MAP7: variants seen among roughly 807,000 people sequenced by gnomAD.
MAP7 encodes ensconsin.
A neutral mutation model predicts 94.8 loss-of-function variants in MAP7; 52 were observed. The observed-to-expected ratio is 0.55, with a 90% confidence interval of 0.44 to 0.69. MAP7 has a LOEUF of 0.69. MAP7 is among the 30% of genes least tolerant of loss of function. The probability of loss-of-function intolerance (pLI) is 0.00; values close to 1 mark genes in which losing one functional copy is unlikely to be tolerated. For missense variants in MAP7, 940 were observed against 964.6 expected (o/e 0.97, Z 0.34); for synonymous variants, 350 against 357.0 (o/e 0.98, Z 0.22).
intron 2 of MAP7, 56 bp downstream of exon 2, chr6:136,421,645 C>T: frequency 6.8e-7 from 1 of 1,479,118 alleles, no homozygotes. Context: ...ATCAGCATGC[C>T]TTTAGGGCAT....
At chr6:136,525,234 T>C (rs1466735638) in intron 1 of MAP7, among the ~76,000 whole-genome samples, 2 of 152,198 alleles carry the variant, frequency 1.3e-5, no homozygotes. Flanking sequence ...ACGAATTCAG[T>C]TATCATCAAC....
At chr6:136,445,172 TCTGATCTGTCCTTTCTTACAGATGG>T (rs1798955395) in intron 1 of MAP7, among the ~76,000 whole-genome samples, 1 of 152,212 alleles carries the variant, frequency 6.6e-6, no homozygotes, top group South Asian at 2.1e-4. Flanking sequence ...GAAAGGCCTT[TCTGATCTGTCCTTTCTTACAGATGG>T]CAAGCCATAA....
chr6:136,411,635 G>T lies in MAP7; in HGVS notation c.229C>A (p.Arg77=), dbSNP rs763941595. 6.4e-7 allele frequency: 1 copy of T among 1,561,532 alleles called. No homozygotes were observed. Residue 77 remains arginine (R), a synonymous_variant, in exon 3 of 18, where the codon CGG becomes AGG. Transcript: ENST00000354570. Reference sequence around the variant, plus strand: ...CCTGGGGTACCTAGCTGTTTCTCCCGTTCCTCACGTCGCTCCCGGGCCAGC... The same window carrying T: ...CCTGGGGTACCTAGCTGTTTCTCCCTTTCCTCACGTCGCTCCCGGGCCAGC... The part of the protein sequence containing the change: ...QRLARERREE[R]EKQLAAREIV...
Position 136,361,111 on chromosome 6 carries a change from C to T in MAP7, c.1595G>A (p.Arg532His). The T allele has an allele frequency of 1.9e-6, 3 of 1,605,626 alleles. No individual in the cohort carries two copies. The highest frequency in any genetic ancestry group is 2.5e-6 in the Non-Finnish European group (3 of 1,179,852). ...ERTTRREEES[R>H]RLEAEQAREK... is the part of the protein sequence containing the mutation. ...CCGGGCCTGCTCGGCTTCCAGCCTG[C>T]GCGACTCCTCCTCACGGCGAGTCGT... The change falls in exon 12 of 18, where the codon CGC becomes CAC. Residue 532 changes from arginine to histidine, a missense_variant. Coordinates refer to ENST00000354570, the MANE Select transcript of MAP7 (RefSeq NM_003980.6).
intron 1 of MAP7, among the ~76,000 whole-genome samples, chr6:136,496,963 A>T (rs1345502678): frequency 6.6e-6 from 1 of 151,840 alleles, no homozygotes; most frequent in Non-Finnish European, 1.5e-5. Context: ...CAAAAAAAAA[A>T]ATAAATGAAT....
chr6:136,508,778 C>T lies in MAP7; in HGVS notation c.67+41564G>A, dbSNP rs3799450. The stretch of plus-strand genomic sequence containing the variant: ...CAGTAAAGTTTGAAGATAAAATACA[C>T]TAAAGAGAAACTGAAATAGGAAATT... On this transcript the variant is annotated intron_variant, in intron 1 of 17. Transcript: ENST00000354570. Among the ~76,000 whole-genome samples the T allele has an allele frequency of 5.6e-3, 860 of 152,236 alleles. 4 individuals carry two copies. Among genetic ancestry groups the T allele is most frequent in the East Asian group, 0.039 (204 of 5,184 alleles).
intron 1 of MAP7, among the ~76,000 whole-genome samples, chr6:136,474,293 C>A (rs1229034403): frequency 1.3e-5 from 2 of 152,136 alleles, no homozygotes; most frequent in African/African-American, 4.8e-5. Context: ...CAAAATCTGT[C>A]CTATTAGTCT....
At chr6:136,351,637 C>G (rs777594553) in intron 16 of MAP7, among the ~76,000 whole-genome samples, 3 of 152,168 alleles carry the variant, frequency 2.0e-5, no homozygotes, top group Non-Finnish European at 2.9e-5. Flanking sequence ...CATATTCATG[C>G]TGAAGAATCT....
At chr6:136,361,937 A>G (rs1055194556) in intron 11 of MAP7, among the ~76,000 whole-genome samples, 1 of 152,206 alleles carries the variant, frequency 6.6e-6, no homozygotes, top group African/African-American at 2.4e-5. Flanking sequence ...CAGACTGTAC[A>G]ATTGTACCTC....
chr6:136,499,079 C>T (rs868202871), intron 1 of MAP7, among the ~76,000 whole-genome samples: 5 of 152,002 alleles, frequency 3.3e-5, no homozygotes, highest in African/African-American at 9.7e-5. Flanking sequence ...ACCACTACGC[C>T]CTGCTAATTT....
chr6:136,377,328 A>G (rs1435381818), intron 7 of MAP7, among the ~76,000 whole-genome samples: 1 of 152,266 alleles, frequency 6.6e-6, no homozygotes, highest in African/African-American at 2.4e-5. Flanking sequence ...TAGCTATGCC[A>G]CAGCCACATT....
chr6:136,508,287 C>T (rs1822191740), intron 1 of MAP7, among the ~76,000 whole-genome samples: 1 of 151,870 alleles, frequency 6.6e-6, no homozygotes, highest in African/African-American at 2.4e-5. Flanking sequence ...GATCACACGA[C>T]TGCTCTCCAA....
chr6:136,511,024 T>C (rs6933027), intron 1 of MAP7, among the ~76,000 whole-genome samples: 3,704 of 152,234 alleles, frequency 0.024, 154 homozygotes, highest in African/African-American at 0.083. Context: ...CCCACACAGC[T>C]GGCTGAATGA....
intron 1 of MAP7, chr6:136,525,709 C>G: frequency 1.3e-5 from 13 of 1,032,578 alleles, no homozygotes; most frequent in Non-Finnish European, 1.8e-5. Context: ...GCAAACCGTG[C>G]TAGGAGGTCA....
chr6:136,538,163 C>T (rs1293814328), intron 1 of MAP7, among the ~76,000 whole-genome samples: 17 of 152,242 alleles, frequency 1.1e-4, no homozygotes, highest in South Asian at 4.1e-4. Context: ...GCCTCACCCA[C>T]ATGCCCACAC....
intron 1 of MAP7, among the ~76,000 whole-genome samples, chr6:136,473,478 T>A (rs1362202262): frequency 6.6e-6 from 1 of 152,214 alleles, no homozygotes; most frequent in East Asian, 1.9e-4. Context: ...TGTACATGTG[T>A]ATAATATGAA....
In MAP7 at chr6:136,505,271, G is replaced by GTATA. The variant is rs1175915341; in HGVS notation, c.67+45070_67+45071insTATA. 3.6e-3 allele frequency among the ~76,000 whole-genome samples: 341 copies of GTATA among 95,254 alleles called. 2 individuals carry two copies. Among genetic ancestry groups the GTATA allele is most frequent in the Middle Eastern group, 0.011 (2 of 178 alleles). 62.5% of individuals were successfully genotyped at this position (95,254 alleles called of 152,430 possible). On this transcript the variant is annotated intron_variant, in intron 1 of 17. Transcript: ENST00000354570. ...ATGTAATGTGTGTGTGTGTGTGTGT[G>GTATA]TGTGTGTATATATATATATATATAT...
rs1288704061 is a variant in MAP7, at chr6:136,420,699, C to T, written c.166+1002G>A. On this transcript the variant is annotated intron_variant, in intron 2 of 17. Transcript: ENST00000354570. ...CTTGGTAATTAAAACTCCTCTGAGA[C>T]TGCACATCATTTTCCACTAATGGCA... Among the ~76,000 whole-genome samples, 69 of 152,188 alleles carry T rather than the reference C, an allele frequency of 4.5e-4. 1 individual carries two copies. The highest frequency in any genetic ancestry group is 4.5e-3 in the Admixed American group (69 of 15,288).
chr6:136,395,276 T>C (rs1782104861), intron 3 of MAP7, among the ~76,000 whole-genome samples: 1 of 151,982 alleles, frequency 6.6e-6, no homozygotes, highest in Non-Finnish European at 1.5e-5. Context: ...TGGGGTGCTA[T>C]GTCTCATTGT....
Sources: allele counts gnomAD v4.1 joint callset (sites outside exome capture counted in the v4.1 genomes callset), GRCh38; gene constraint gnomAD v4.1.1; transcripts MANE v1.5; gene names NCBI Gene and HGNC (gene_info 2026-07-23, HGNC 2026-07-21).